Variants in NXNL2 observed in about 807,000 individuals in gnomAD.
NXNL2 encodes nucleoredoxin like 2.
Under a neutral mutation model 11.1 loss-of-function variants are expected in NXNL2, and 7 were observed. That is an observed-to-expected ratio of 0.63 (90% CI 0.36 to 1.18). The LOEUF is 1.18. Among genes scored for constraint, NXNL2 ranks in the 50% most tolerant of loss-of-function variants. The pLI is 0.02. For synonymous variants in NXNL2, 109 were observed against 101.8 expected, an observed-to-expected ratio of 1.07 and a Z score of -0.42; for missense variants, 233 against 217.7, an observed-to-expected ratio of 1.07 and a Z score of -0.44.
chr9:88,537,100 G>A (rs755399916), intron 1 of NXNL2, among the ~76,000 whole-genome samples: 1 of 152,208 alleles, frequency 6.6e-6, no homozygotes, highest in Non-Finnish European at 1.5e-5. Flanking sequence ...GGCAGGCAAG[G>A]TATTTTATTG....
downstream of NXNL2, among the ~76,000 whole-genome samples, chr9:88,584,466 C>G (rs1337604891): frequency 1.3e-5 from 2 of 152,178 alleles, no homozygotes. Flanking sequence ...TCTTGGAATT[C>G]CAGCCTCCAG....
chr9:88,544,447 T>G lies in NXNL2; in HGVS notation c.371T>G (p.Val124Gly), dbSNP rs1364020404. The change falls in exon 2 of 2, where the codon GTC becomes GGC. Residue 124 changes from valine to glycine, a missense_variant. Transcript: ENST00000375854. ...GTGATTGTGAAACAAAATGGGGAGG[T>G]CATCACCAACAAAGGGCGGAAGCAG... ...KLVIVKQNGE[V>G]ITNKGRKQIR... The G allele has an allele frequency of 6.4e-7, 1 of 1,550,842 alleles. No homozygotes were observed. Among genetic ancestry groups the G allele is most frequent in the Non-Finnish European group, 8.7e-7 (1 of 1,146,810 alleles).
At chr9:88,557,634 A>G (rs1830035426) in intron 1 of NXNL2, among the ~76,000 whole-genome samples, 1 of 152,180 alleles carries the variant, frequency 6.6e-6, no homozygotes, top group South Asian at 2.1e-4. Context: ...ATTTCTGAAC[A>G]ACTGACCTTT....
At chr9:88,564,516 A>G (rs551323523) in intron 1 of NXNL2, among the ~76,000 whole-genome samples, 134 of 152,194 alleles carry the variant, frequency 8.8e-4, no homozygotes, top group African/African-American at 3.1e-3. Flanking sequence ...TCCAGGGTTC[A>G]AGTGATTCTC....
chr9:88,569,164 C>A (rs1830223501), intron 1 of NXNL2, among the ~76,000 whole-genome samples: 1 of 152,160 alleles, frequency 6.6e-6, no homozygotes, highest in Admixed American at 6.5e-5. Flanking sequence ...CTCCTGGTCT[C>A]AAATGGTCCT....
chr9:88,541,197 T>C (rs1829753190), intron 1 of NXNL2, among the ~76,000 whole-genome samples: 1 of 151,490 alleles, frequency 6.6e-6, no homozygotes, highest in South Asian at 2.1e-4. Context: ...TGGGCCTGTG[T>C]AATGACCAGG....
downstream of NXNL2, among the ~76,000 whole-genome samples, chr9:88,578,637 C>G (rs530479732): frequency 6.6e-6 from 1 of 152,338 alleles, no homozygotes. Context: ...GCCGCCGGCC[C>G]GGCCTACCAA....
At chr9:88,579,075 G>A (rs1184606019), downstream of NXNL2, among the ~76,000 whole-genome samples, 1 of 152,192 alleles carries the variant, frequency 6.6e-6, no homozygotes, top group African/African-American at 2.4e-5. Flanking sequence ...ACCAAAATAT[G>A]GGGGCACGCT....
intron 1 of NXNL2, among the ~76,000 whole-genome samples, chr9:88,540,721 A>G (rs1458964470): frequency 7.1e-6 from 1 of 139,866 alleles, no homozygotes; most frequent in African/African-American, 2.6e-5. Flanking sequence ...CACAGGGAGC[A>G]GGTCCGGACT....
At chr9:88,535,762 G>T in intron 1 of NXNL2, 26 bp downstream of exon 1, 1 of 1,518,436 alleles carries the variant, frequency 6.6e-7, no homozygotes, top group Non-Finnish European at 8.8e-7. Context: ...GGGGGGGCGG[G>T]GGCCGCCCGG....
At position 88,535,386 on chromosome 9, in the gene NXNL2, C is replaced by A. The variant is rs755558755; in HGVS notation, c.-49C>A. The A allele has an allele frequency of 2.0e-6, 3 of 1,491,442 alleles. No homozygotes were observed. The East Asian group carries it at 7.0e-5, about 35-fold the overall frequency. 92.4% of individuals were successfully genotyped at this position (1,491,442 alleles called of 1,614,324 possible). A position where few individuals can be genotyped will look rare whatever the true frequency, so the allele number is the denominator to read the frequency against. On this transcript the variant is annotated 5_prime_UTR_variant, in exon 1 of 2. Coordinates refer to ENST00000375854, the MANE Select transcript of NXNL2 (RefSeq NM_001161625.2). ...TCGCCGCCGCCTCCCCGCAGGTGAT[C>A]ATCCTCCTGCAGGTGTCCTCGGGTC...
chr9:88,563,495 C>T (rs1830116261), intron 1 of NXNL2, among the ~76,000 whole-genome samples: 1 of 152,188 alleles, frequency 6.6e-6, no homozygotes. Context: ...TCCTTGCGCC[C>T]CTCAGCCTCT....
chr9:88,540,071 G>A (rs974200832), intron 1 of NXNL2, among the ~76,000 whole-genome samples: 3 of 151,948 alleles, frequency 2.0e-5, no homozygotes, highest in East Asian at 2.0e-4. Context: ...GGTGGCTCAC[G>A]CCTGTAATCC....
chr9:88,566,243 G>C (rs1276642678), intron 1 of NXNL2, among the ~76,000 whole-genome samples: 1 of 151,642 alleles, frequency 6.6e-6, no homozygotes, highest in African/African-American at 2.4e-5. Flanking sequence ...TTTAGTGCCA[G>C]ATCCATTAAA....
intron 1 of NXNL2, among the ~76,000 whole-genome samples, chr9:88,551,983 C>CAGCATGTG (rs1829938170): frequency 6.6e-6 from 1 of 152,178 alleles, no homozygotes; most frequent in Non-Finnish European, 1.5e-5. Context: ...TTCAATCACT[C>CAGCATGTG]AGCATGTGGA....
downstream of NXNL2, among the ~76,000 whole-genome samples, chr9:88,579,970 A>G (rs550032182): frequency 6.6e-6 from 1 of 151,978 alleles, no homozygotes; most frequent in Non-Finnish European, 1.5e-5. Flanking sequence ...CTCTACTAAA[A>G]AAAATAATAA....
chr9:88,554,195 C>T (rs1829982279), intron 1 of NXNL2, among the ~76,000 whole-genome samples: 1 of 151,914 alleles, frequency 6.6e-6, no homozygotes, highest in South Asian at 2.1e-4. Context: ...ACACCATGGC[C>T]CTTTATTTAT....
intron 1 of NXNL2, among the ~76,000 whole-genome samples, chr9:88,559,581 A>G (rs1830060694): frequency 6.6e-6 from 1 of 152,066 alleles, no homozygotes. Flanking sequence ...TTGAATGGGG[A>G]TTCAAGGGCC....
chr9:88,579,995 C>T (rs1435173916), downstream of NXNL2, among the ~76,000 whole-genome samples: 1 of 151,922 alleles, frequency 6.6e-6, no homozygotes, highest in African/African-American at 2.4e-5. Flanking sequence ...AAAAAATTAG[C>T]CGGGTGTGGT....
Sources: allele counts gnomAD v4.1 joint callset (sites outside exome capture counted in the v4.1 genomes callset), GRCh38; gene constraint gnomAD v4.1.1; transcripts MANE v1.5; gene names NCBI Gene and HGNC (gene_info 2026-07-23, HGNC 2026-07-21).